Variants in PCDH15 observed in about 807,000 individuals in gnomAD.
PCDH15 encodes the protein protocadherin-15.
PCDH15 carries 129 observed loss-of-function variants against 178.5 expected under a neutral mutation model. The ratio of observed to expected loss-of-function variants is 0.72; its 90% CI spans 0.63 to 0.84. PCDH15 has a LOEUF of 0.84. PCDH15 is among the 40% of genes least tolerant of loss of function. The pLI, the probability that PCDH15 is intolerant of heterozygous loss-of-function variation, is 0.00. For missense variants in PCDH15, 2,230 were observed against 2,099.9 expected (o/e 1.06, Z -1.21); for synonymous variants, 800 against 732.0 (o/e 1.09, Z -1.50).
At chr10:54,022,359 G>T (rs996291119) in intron 19 of PCDH15, among the ~76,000 whole-genome samples, 1 of 151,754 alleles carries the variant, frequency 6.6e-6, no homozygotes, top group Non-Finnish European at 1.5e-5. Context: ...CAGAATAATG[G>T]GTATAAACAA....
At chr10:54,794,197 A>G (rs1951737475) in intron 1 of PCDH15, among the ~76,000 whole-genome samples, 1 of 150,110 alleles carries the variant, frequency 6.7e-6, no homozygotes, top group African/African-American at 2.4e-5. Flanking sequence ...TTTACTAAAC[A>G]TGCATTTTAT....
chr10:55,488,557 G>A (rs2132125612), intron 2 of PCDH15, among the ~76,000 whole-genome samples: 1 of 151,592 alleles, frequency 6.6e-6, no homozygotes, highest in East Asian at 2.0e-4. Context: ...TTCTGTTGAT[G>A]TAGCTATTTT....
At chr10:55,448,693 A>G (rs1839370078) in intron 2 of PCDH15, among the ~76,000 whole-genome samples, 1 of 152,046 alleles carries the variant, frequency 6.6e-6, no homozygotes, top group Non-Finnish European at 1.5e-5. Flanking sequence ...ATTAATAATC[A>G]TGATTACTAA....
intron 17 of PCDH15, among the ~76,000 whole-genome samples, chr10:54,078,304 T>C (rs2094377545): frequency 6.6e-6 from 1 of 152,052 alleles, no homozygotes. Flanking sequence ...TTAGTTAAGA[T>C]GAGAAAACTA....
chr10:55,164,002 A>G (rs2016531), intron 2 of PCDH15, among the ~76,000 whole-genome samples: 20,248 of 152,154 alleles, frequency 0.13, 1,459 homozygotes, highest in East Asian at 0.25. Flanking sequence ...ACAAGGGTCA[A>G]GAACCTTCTC....
chr10:54,189,119 C>T (rs1591049855), intron 11 of PCDH15, among the ~76,000 whole-genome samples: 2 of 151,816 alleles, frequency 1.3e-5, no homozygotes, highest in African/African-American at 2.4e-5. Flanking sequence ...TTGGATTTTA[C>T]AAAATTTCAT....
chr10:54,344,003 C>A (rs1178487372), intron 6 of PCDH15, among the ~76,000 whole-genome samples: 2 of 151,970 alleles, frequency 1.3e-5, no homozygotes, highest in African/African-American at 4.8e-5. Context: ...TTAATGTAAG[C>A]AGAATTACTA....
intron 20 of PCDH15, among the ~76,000 whole-genome samples, chr10:53,999,156 T>C (rs2092000923): frequency 2.6e-5 from 4 of 151,596 alleles, no homozygotes; most frequent in Admixed American, 2.6e-4. Context: ...TATAAGCCAA[T>C]GGGCGGAATG....
chr10:55,269,529 C>A (rs1301063206), intron 1 of PCDH15, among the ~76,000 whole-genome samples: 1 of 151,870 alleles, frequency 6.6e-6, no homozygotes, highest in Admixed American at 6.6e-5. Flanking sequence ...ATCCCATTTA[C>A]AATAGCTAAA....
intron 2 of PCDH15, among the ~76,000 whole-genome samples, chr10:55,583,277 A>G (rs1281174141): frequency 7.2e-5 from 11 of 152,212 alleles, no homozygotes; most frequent in African/African-American, 2.7e-4. Flanking sequence ...CACAGATTAA[A>G]GTTTTCACAG....
At chr10:54,322,075 A>G (rs2061643933) in intron 7 of PCDH15, among the ~76,000 whole-genome samples, 1 of 152,058 alleles carries the variant, frequency 6.6e-6, no homozygotes, top group Admixed American at 6.6e-5. Flanking sequence ...AGCAATTGAG[A>G]TAAAAATCAA....
chr10:54,816,310 A>C (rs2133735299), intron 3 of PCDH15, among the ~76,000 whole-genome samples: 1 of 152,230 alleles, frequency 6.6e-6, no homozygotes, highest in Middle Eastern at 3.4e-3. Flanking sequence ...CAGTATATGC[A>C]GAAAATTGGT....
At chr10:54,852,703 A>T (rs1182454559) in intron 3 of PCDH15, among the ~76,000 whole-genome samples, 2 of 151,482 alleles carry the variant, frequency 1.3e-5, no homozygotes, top group Non-Finnish European at 2.9e-5. Flanking sequence ...ATACAAAAAA[A>T]TTAGCAGGGT....
At chr10:54,040,455 T>C (rs968551555) in intron 18 of PCDH15, among the ~76,000 whole-genome samples, 1 of 152,026 alleles carries the variant, frequency 6.6e-6, no homozygotes, top group South Asian at 2.1e-4. Flanking sequence ...TCCCCAGCCA[T>C]GTGGAACTGT....
At chr10:54,574,371 T>G (rs1024544523) in intron 2 of PCDH15, among the ~76,000 whole-genome samples, 2 of 151,314 alleles carry the variant, frequency 1.3e-5, no homozygotes, top group African/African-American at 4.9e-5. Flanking sequence ...CTCTGTTCTG[T>G]TCCATTGATC....
At chr10:54,896,513 GAA>G (rs58802302) in intron 3 of PCDH15, among the ~76,000 whole-genome samples, 66 of 149,412 alleles carry the variant, frequency 4.4e-4, no homozygotes, top group East Asian at 7.9e-4. Context: ...TTTCCCAGCG[GAA>G]AAAAAAAAAA....
chr10:54,649,670 T>C (rs1009968737), intron 2 of PCDH15, among the ~76,000 whole-genome samples: 17 of 152,072 alleles, frequency 1.1e-4, no homozygotes, highest in African/African-American at 3.9e-4. Context: ...TGTGTGTGAG[T>C]AAATTTTTAG....
At chr10:53,917,632 GTTCTT>G (rs1348773735) in intron 25 of PCDH15, among the ~76,000 whole-genome samples, 2 of 152,062 alleles carry the variant, frequency 1.3e-5, no homozygotes, top group Admixed American at 6.6e-5. Context: ...TTAACACTAT[GTTCTT>G]TTTTTTCTTG....
At chr10:54,810,823 T>C (rs537838636) in intron 3 of PCDH15, among the ~76,000 whole-genome samples, 1 of 152,254 alleles carries the variant, frequency 6.6e-6, no homozygotes, top group East Asian at 1.9e-4. Flanking sequence ...TGGTTTTCTT[T>C]TCAAAACATA....
Sources: allele counts gnomAD v4.1 joint callset (sites outside exome capture counted in the v4.1 genomes callset), GRCh38; gene constraint gnomAD v4.1.1; transcripts MANE v1.5; gene names NCBI Gene and HGNC (gene_info 2026-07-23, HGNC 2026-07-21).